The following DYNC2I1 variants were observed in gnomAD, a reference collection of about 807,000 sequenced individuals.
DYNC2I1 encodes the protein dynein 2 intermediate chain 1.
DYNC2I1 carries 89 observed loss-of-function variants against 133.4 expected under a neutral mutation model. That is an observed-to-expected ratio of 0.67 (90% CI 0.56 to 0.80). The LOEUF (loss-of-function observed/expected upper bound fraction) is 0.80. Among genes scored for constraint, DYNC2I1 ranks in the 30% least tolerant of loss-of-function variants. DYNC2I1 has a pLI of 0.00. For missense variants in DYNC2I1, 1,291 were observed against 1,314.5 expected (o/e 0.98, Z 0.28); for synonymous variants, 504 against 484.3 (o/e 1.04, Z -0.54).
chr7:158,910,864 G>A (rs940356736), intron 11 of DYNC2I1, among the ~76,000 whole-genome samples: 1 of 148,636 alleles, frequency 6.7e-6, no homozygotes, highest in Non-Finnish European at 1.5e-5. Flanking sequence ...GGCGGAGGGC[G>A]ATTGGCTGTG....
Position 158,887,091 on chromosome 7 carries a change from C to G in DYNC2I1, c.990+16C>G. 2 of 1,610,692 alleles carry G rather than the reference C, an allele frequency of 1.2e-6. No individual in the cohort carries two copies. Among genetic ancestry groups the G allele is most frequent in the Non-Finnish European group, 1.7e-6 (2 of 1,177,088 alleles). On this transcript the variant is annotated intron_variant, in intron 7 of 24. Transcript: ENST00000407559. ...AAGACGGAAGGTAAGGCAGTCTCCA[C>G]TGAGAATACATTGATTTTATGGTAC...
intron 1 of DYNC2I1, among the ~76,000 whole-genome samples, chr7:158,861,506 C>T (rs1841866627): frequency 6.6e-6 from 1 of 152,196 alleles, no homozygotes; most frequent in South Asian, 2.1e-4. Flanking sequence ...AGTCTGGCAT[C>T]CCCCTCCCCA....
chr7:158,914,830 T>C (rs1847857872), intron 14 of DYNC2I1, among the ~76,000 whole-genome samples: 1 of 152,212 alleles, frequency 6.6e-6, no homozygotes, highest in Admixed American at 6.5e-5. Flanking sequence ...TCAGTTATTT[T>C]GAAACAAATC....
At chr7:158,903,482 A>G (rs1846436501) in intron 10 of DYNC2I1, 1 of 152,222 alleles carries the variant, frequency 6.6e-6, no homozygotes, top group African/African-American at 2.4e-5. Flanking sequence ...AATATGATGC[A>G]CTAATACAAA....
intron 1 of DYNC2I1, 23 bp from the exon 2 acceptor site, chr7:158,869,832 T>C (rs201300240): frequency 1.4e-6 from 2 of 1,388,980 alleles, no homozygotes; most frequent in Non-Finnish European, 2.0e-6. Context: ...TTAAACATTC[T>C]AACTTTATAC....
At chr7:158,927,751 C>T (rs1292840269) in intron 20 of DYNC2I1, among the ~76,000 whole-genome samples, 1 of 152,150 alleles carries the variant, frequency 6.6e-6, no homozygotes, top group Non-Finnish European at 1.5e-5. Flanking sequence ...AGGGTTTCAC[C>T]ATGTTGGTCA....
intron 21 of DYNC2I1, 130 bp from the exon 22 acceptor site, chr7:158,933,999 A>G (rs1850489263): frequency 1.5e-6 from 1 of 661,452 alleles, no homozygotes; most frequent in Admixed American, 3.4e-5. Flanking sequence ...CAGAGTGGCT[A>G]AACCCACAGA....
At chr7:158,932,183 C>T (rs1563195503) in intron 21 of DYNC2I1, among the ~76,000 whole-genome samples, 2 of 152,198 alleles carry the variant, frequency 1.3e-5, no homozygotes, top group Non-Finnish European at 2.9e-5. Flanking sequence ...CTGCACCGCC[C>T]CTGCAGCGAG....
chr7:158,943,401 C>A (rs906595038), intron 24 of DYNC2I1, among the ~76,000 whole-genome samples: 8 of 152,152 alleles, frequency 5.3e-5, no homozygotes, highest in Admixed American at 1.3e-4. Flanking sequence ...AGACAATGAG[C>A]AGAGTGAACG....
intron 5 of DYNC2I1, among the ~76,000 whole-genome samples, chr7:158,881,845 G>A (rs1306676151): frequency 1.3e-5 from 2 of 152,108 alleles, no homozygotes; most frequent in African/African-American, 4.8e-5. Context: ...ATACAGCAAA[G>A]TCGACGTAAT....
chr7:158,939,810 G>A (rs1851148217), intron 23 of DYNC2I1, among the ~76,000 whole-genome samples: 1 of 152,150 alleles, frequency 6.6e-6, no homozygotes, highest in African/African-American at 2.4e-5. Context: ...AAGAGCAAGA[G>A]TGGCTATACT....
At chr7:158,923,003 C>T (rs1849249040) in intron 16 of DYNC2I1, among the ~76,000 whole-genome samples, 2 of 152,172 alleles carry the variant, frequency 1.3e-5, no homozygotes. Context: ...TTGAAGTGTG[C>T]TGTCGCTCAC....
intron 7 of DYNC2I1, among the ~76,000 whole-genome samples, chr7:158,888,357 A>G (rs193118020): frequency 1.3e-5 from 2 of 150,968 alleles, no homozygotes; most frequent in Admixed American, 1.3e-4. Context: ...TGTGGCAAGC[A>G]TATTTTGGAT....
Position 158,945,029 on chromosome 7 carries a change from G to A in DYNC2I1, c.3003-552G>A, listed in dbSNP as rs1176122191. ...GAGCTGGGGCCTGGTCAGGGAGCGT[G>A]TGGTCATCAGAGTGAGGGAAGGGGC... On this transcript the variant is annotated intron_variant, in intron 24 of 24. Transcript: ENST00000407559. The surrounding 1 kb of genome is among the most constrained non-coding windows in gnomAD (Gnocchi z 4.1). Among the ~76,000 whole-genome samples the A allele has an allele frequency of 3.3e-5, 5 of 152,176 alleles. No individual in the cohort carries two copies. Among genetic ancestry groups the A allele is most frequent in the East Asian group, 1.9e-4 (1 of 5,190 alleles).
chr7:158,876,059 G>C (rs1411509764), intron 3 of DYNC2I1, among the ~76,000 whole-genome samples: 1 of 152,194 alleles, frequency 6.6e-6, no homozygotes, highest in Non-Finnish European at 1.5e-5. Context: ...TGGGGCTGGA[G>C]AATTTATAAA....
At position 158,901,760 on chromosome 7, in the gene DYNC2I1, G is replaced by T; in HGVS notation, c.1081G>T (p.Asp361Tyr). ...CTAGGAAATTGAAAAGGAAGAAACT[G>T]ATTTAGAAAATGCTAGAGCTGATGC... is the stretch of plus-strand genomic sequence containing the variant. ...ETVEIEKEET[D>Y]LENARADAYT... is the part of the protein sequence containing the mutation. Residue 361 changes from aspartate to tyrosine, a missense_variant, in exon 9 of 25, where the codon GAT (aspartate) becomes TAT (tyrosine). By Grantham distance (160) the Asp-to-Tyr change is radical. Coordinates refer to ENST00000407559, the MANE Select transcript of DYNC2I1 (RefSeq NM_018051.5). 1 of 1,580,104 alleles carries T rather than the reference G, an allele frequency of 6.3e-7. No individual in the cohort carries two copies. The highest frequency in any genetic ancestry group is 1.2e-5 in the South Asian group (1 of 84,740).
chr7:158,859,551 G>A lies in DYNC2I1; in HGVS notation c.15+2801G>A, dbSNP rs1841687497. On this transcript the variant is annotated intron_variant, in intron 1 of 24. Coordinates refer to ENST00000407559, the MANE Select transcript of DYNC2I1 (RefSeq NM_018051.5). ...AGAGTCTCGCTCTGTCGCCCAGGCTGGAGTGCAATGGCGTGATCTCAGCTC... is the reference window on the plus strand; with the variant it reads ...AGAGTCTCGCTCTGTCGCCCAGGCTAGAGTGCAATGGCGTGATCTCAGCTC... Among the ~76,000 whole-genome samples, 8 of 152,254 alleles carry A rather than the reference G, an allele frequency of 5.3e-5. No homozygotes were observed. In the South Asian group the frequency reaches 1.5e-3, roughly 28 times the overall value.
intron 14 of DYNC2I1, among the ~76,000 whole-genome samples, chr7:158,914,658 T>C (rs1847827453): frequency 6.6e-6 from 1 of 152,136 alleles, no homozygotes; most frequent in South Asian, 2.1e-4. Context: ...TTTGAAAATA[T>C]TAAACTTCTG....
chr7:158,918,426 T>C (rs1848694575), intron 14 of DYNC2I1, among the ~76,000 whole-genome samples: 1 of 152,144 alleles, frequency 6.6e-6, no homozygotes, highest in Non-Finnish European at 1.5e-5. Context: ...GACTGCTCTT[T>C]ACACTGCTTT....
Sources: allele counts gnomAD v4.1 joint callset (sites outside exome capture counted in the v4.1 genomes callset), GRCh38; gene constraint gnomAD v4.1.1; non-coding constraint Gnocchi (gnomAD v3.1); transcripts MANE v1.5; gene names NCBI Gene and HGNC (gene_info 2026-07-23, HGNC 2026-07-21).